The following PEG3 variants were observed in gnomAD, a reference collection of about 807,000 sequenced individuals.
The protein encoded by PEG3 is paternally-expressed gene 3 protein.
PEG3 carries 23 observed loss-of-function variants against 35.5 expected under a neutral mutation model. The observed-to-expected ratio is 0.65, with a 90% CI of 0.47 to 0.92. The LOEUF is 0.92. Among genes scored for constraint, PEG3 ranks in the 40% least tolerant of loss-of-function variants. PEG3 has a pLI of 0.00. For missense variants in PEG3, 1,960 were observed against 1,985.3 expected (o/e 0.99, Z 0.24); for synonymous variants, 707 against 697.0 (o/e 1.01, Z -0.23).
chr19:56,833,760 T>C, intron 2 of PEG3: 1 of 154,244 alleles, frequency 6.5e-6, no homozygotes. Flanking sequence ...TCTGGTCCAA[T>C]CACCTATGAA....
At chr19:56,836,882 A>G (rs1385969557) in intron 1 of PEG3, among the ~76,000 whole-genome samples, 2 of 149,820 alleles carry the variant, frequency 1.3e-5, no homozygotes. Flanking sequence ...GGGTGGGAGA[A>G]TCACTTGAAC....
In PEG3 at chr19:56,812,813, T is replaced by G. The variant is rs2059626611; in HGVS notation, c.*862A>C. The G allele has an allele frequency of 1.1e-6, 1 of 890,206 alleles. No homozygotes were observed. Among genetic ancestry groups the G allele is most frequent in the African/African-American group, 2.8e-5 (1 of 35,450 alleles). 55.1% of individuals were successfully genotyped at this position (890,206 alleles called of 1,614,324 possible). A position where few individuals can be genotyped will look rare whatever the true frequency, so the allele number is the denominator to read the frequency against. On this transcript the variant is annotated 3_prime_UTR_variant, in exon 10 of 10. Transcript: ENST00000326441. ...TCACTATCATCAAACACATATTGAG[T>G]TGGTTAAAAAAAAAAAAAACCCAGA...
chr19:56,818,831 G>T, intron 7 of PEG3, 129 bp from the exon 8 acceptor site: 2 of 1,058,832 alleles, frequency 1.9e-6, no homozygotes, highest in Non-Finnish European at 2.8e-6. Flanking sequence ...TTGGGGTTCT[G>T]AGTGATCCAA....
chr19:56,815,082 T>C lies in PEG3; in HGVS notation c.3360A>G (p.Thr1120=). ...GGACTTTCTGATGGTCTGTGAGGTC[T>C]GTGAGATCCACAAAGCCCAGGCCAC... ...EDCGLGFVDL[T]DLTDHQKVHS... is the part of the protein sequence containing the mutation. The change falls in exon 10 of 10, where the codon ACA becomes ACG. Residue 1120 remains threonine, a synonymous_variant. Transcript: ENST00000326441. 6.2e-7 allele frequency: 1 copy of C among 1,613,882 alleles called. No homozygotes were observed. Among genetic ancestry groups the C allele is most frequent in the Non-Finnish European group, 8.5e-7 (1 of 1,179,774 alleles).
rs572849601 is a variant in PEG3, at chr19:56,832,840, C to A, written c.-163+3178G>T. On this transcript the variant is annotated intron_variant, in intron 2 of 9. Coordinates refer to ENST00000326441, the MANE Select transcript of PEG3 (RefSeq NM_006210.3). The stretch of plus-strand genomic sequence containing the variant: ...TGTATACAGAACAAGCCTGGCGCTG[C>A]CTGCTGCATGACAGCATTGCCATTG... 2.3e-3 allele frequency among the ~76,000 whole-genome samples: 356 copies of A among 152,340 alleles called. 3 individuals are homozygous for A. The highest frequency in any genetic ancestry group is 7.6e-3 in the African/African-American group (314 of 41,568).
In PEG3 at chr19:56,817,259, G is replaced by C. The variant is rs754821615; in HGVS notation, c.1183C>G (p.His395Asp). Residue 395 changes from histidine to aspartate, a missense_variant, in exon 10 of 10, where the codon CAT becomes GAT. His to Asp is a moderately conservative substitution (Grantham distance 81, BLOSUM62 -1). Transcript: ENST00000326441. Reference protein sequence around the residue: ...KRVLERKRRYHFDTDGKGSIH... With the variant: ...KRVLERKRRYDFDTDGKGSIH... ...GAGCCCTTCCCATCTGTGTCAAAATGATAGCGCCTCTTTCTTTCAAGAACT... is the reference window on the plus strand; with the variant it reads ...GAGCCCTTCCCATCTGTGTCAAAATCATAGCGCCTCTTTCTTTCAAGAACT... 1.9e-6 allele frequency: 3 copies of C among 1,613,996 alleles called. No individual in the cohort carries two copies. The highest frequency in any genetic ancestry group is 2.5e-6 in the Non-Finnish European group (3 of 1,179,984).
At chr19:56,827,204 T>C (rs2061125169) in intron 2 of PEG3, among the ~76,000 whole-genome samples, 3 of 152,192 alleles carry the variant, frequency 2.0e-5, no homozygotes, top group African/African-American at 7.2e-5. Flanking sequence ...TTGTGACCAC[T>C]TGAATGCCCA....
In PEG3 at chr19:56,815,877, A is replaced by G. The variant is rs202029369; in HGVS notation, c.2565T>C (p.Ser855=). 30 of 1,613,572 alleles carry G rather than the reference A, an allele frequency of 1.9e-5. No individual in the cohort carries two copies. In the Middle Eastern group the frequency reaches 1.2e-3, roughly 62 times the overall value. Residue 855 remains serine (S), a synonymous_variant, in exon 10 of 10, where the codon TCT becomes TCC. Coordinates refer to ENST00000326441, the MANE Select transcript of PEG3 (RefSeq NM_006210.3). ...RSHNGNELVE[S]NEKGESSIYI... ...AAATGGAGGATTCTCCCTTCTCATT[A>G]GATTCCACCAATTCATTTCCATTGT...
At position 56,824,398 on chromosome 19, in the gene PEG3, G is replaced by A. The variant is rs1309775643; in HGVS notation, c.258C>T (p.Ile86=). Residue 86 remains isoleucine (I), a synonymous_variant, in exon 4 of 10, where the codon ATC becomes ATT. Coordinates refer to ENST00000326441, the MANE Select transcript of PEG3 (RefSeq NM_006210.3). The stretch of plus-strand genomic sequence containing the variant: ...GGTACTGCTCAAGGACCAAGAGCTC[G>A]ATGATCTCCTCCTTGGTGCGGGTCT... ...QPETRTKEEI[I]ELLVLEQYLT... 5 of 1,614,164 alleles carry A rather than the reference G, an allele frequency of 3.1e-6. No individual in the cohort carries two copies. The South Asian group carries it at 3.3e-5, about 11-fold the overall frequency.
At position 56,812,549 on chromosome 19, in the gene PEG3, C is replaced by A; in HGVS notation, c.*1126G>T. 1.0e-6 allele frequency: 1 copy of A among 985,684 alleles called. No homozygotes were observed. The highest frequency in any genetic ancestry group is 1.2e-6 in the Non-Finnish European group (1 of 829,896). 61.1% of individuals were successfully genotyped at this position (985,684 alleles called of 1,614,324 possible). A position where few individuals can be genotyped will look rare whatever the true frequency, so the allele number is the denominator to read the frequency against. ...ACCTAGGGTGCAAACTGACTTGTGG[C>A]AGCATAAGCTGATGCTGCACAGGGG... On this transcript the variant is annotated 3_prime_UTR_variant, in exon 10 of 10. Coordinates refer to ENST00000326441, the MANE Select transcript of PEG3 (RefSeq NM_006210.3).
In PEG3 at chr19:56,811,632, C is replaced by T. The variant is rs1207062016; in HGVS notation, c.*2043G>A. 1 of 984,312 alleles carries T rather than the reference C, an allele frequency of 1.0e-6. No individual in the cohort carries two copies. Among genetic ancestry groups the T allele is most frequent in the Non-Finnish European group, 1.2e-6 (1 of 829,602 alleles). The allele number at this position is 984,312 out of a possible 1,614,324, so 61.0% of individuals were successfully genotyped here. A position where few individuals can be genotyped will look rare whatever the true frequency, so the allele number is the denominator to read the frequency against. On this transcript the variant is annotated 3_prime_UTR_variant, in exon 10 of 10. Coordinates refer to ENST00000326441, the MANE Select transcript of PEG3 (RefSeq NM_006210.3). ...AACAATGTTAACACCAAGTAATGTA[C>T]CCACAAAGTTCACCCCGACATCAAC...
chr19:56,836,137 T>A (rs572405472), intron 1 of PEG3, 33 bp from the exon 2 acceptor site: 34 of 452,164 alleles, frequency 7.5e-5, no homozygotes, highest in South Asian at 5.1e-4. Flanking sequence ...AGACGCCAAG[T>A]TTATTTTGCA....
chr19:56,824,903 C>T (rs2060872107), intron 3 of PEG3, 162 bp from the exon 4 acceptor site: 2 of 470,662 alleles, frequency 4.2e-6, no homozygotes, highest in Admixed American at 3.4e-5. Context: ...CAGTTACAAG[C>T]ATGACCTCTG....
In PEG3 at chr19:56,814,496, T is replaced by C. The variant is rs1235653066; in HGVS notation, c.3946A>G (p.Thr1316Ala). 4 of 1,613,782 alleles carry C rather than the reference T, an allele frequency of 2.5e-6. No individual in the cohort carries two copies. The South Asian group carries it at 3.3e-5, about 13-fold the overall frequency. ...NEPYEYGSSY[T>A]HTSFLTEPLK... The stretch of plus-strand genomic sequence containing the variant: ...GGCTCAGTAAGAAATGAGGTGTGAG[T>C]ATAGGAGGACCCGTACTCATAGGGC... The change falls in exon 10 of 10, where the codon ACT becomes GCT. Residue 1316 changes from threonine (T) to alanine (A), a missense_variant. Thr to Ala is a moderately conservative substitution (Grantham distance 58). Around this residue, in one of 5 missense-constraint regions of PEG3, gnomAD observed 416 missense variants for 416.7 expected, o/e 1.00. Transcript: ENST00000326441. This position sits in a 1 kb window ranked among gnomAD's most constrained non-coding sequence, Gnocchi z 5.8.
chr19:56,819,243 C>T (rs540451281), intron 7 of PEG3, among the ~76,000 whole-genome samples: 12 of 152,288 alleles, frequency 7.9e-5, no homozygotes, highest in African/African-American at 2.6e-4. Flanking sequence ...TGACTTAAAC[C>T]TCCCTCCCGG....
At position 56,822,688 on chromosome 19, in the gene PEG3, C is replaced by T. The variant is rs1054747277; in HGVS notation, c.565+65G>A. On this transcript the variant is annotated intron_variant, in intron 6 of 9. Transcript: ENST00000326441. The stretch of plus-strand genomic sequence containing the variant: ...AAACTTCGAGGCCCTGGCACTTTCC[C>T]CTTGAACCTGTGCACAGCACATGCT... 2.5e-6 allele frequency: 4 copies of T among 1,589,220 alleles called. No homozygotes were observed. In the South Asian group the frequency reaches 3.4e-5, roughly 14 times the overall value.
At position 56,839,720 on chromosome 19, in the gene PEG3, C is replaced by T. The variant is rs142741106; in HGVS notation, c.-250+862G>A. ...AACAGACCATTACATCCAATGCAAC[C>T]CACAGTCATTCAGCTTTGCCTCGCC... On this transcript the variant is annotated intron_variant, in intron 1 of 9. Transcript: ENST00000326441. Among the ~76,000 whole-genome samples the T allele has an allele frequency of 3.9e-3, 590 of 152,312 alleles. 2 individuals carry two copies. The highest frequency in any genetic ancestry group is 7.2e-3 in the Non-Finnish European group (487 of 68,034).
At chr19:56,835,277 G>A (rs2146619919) in intron 2 of PEG3, among the ~76,000 whole-genome samples, 1 of 152,244 alleles carries the variant, frequency 6.6e-6, no homozygotes, top group Non-Finnish European at 1.5e-5. Flanking sequence ...TGCACTTAAG[G>A]TCAAGCCCAG....
intron 6 of PEG3, 165 bp downstream of exon 6, chr19:56,822,588 C>CGAGTGGAG: frequency 2.4e-6 from 2 of 832,718 alleles, no homozygotes; most frequent in Non-Finnish European, 3.7e-6. Context: ...CTGGTGGTAC[C>CGAGTGGAG]GAGTGGAACT....
Sources: gnomAD v4.1 joint callset for allele counts (sites outside exome capture counted in the v4.1 genomes callset) on GRCh38, gnomAD v4.1.1 for gene constraint, gnomAD v4.1.1 regional missense constraint, Gnocchi (gnomAD v3.1) non-coding constraint, MANE v1.5 for transcripts, NCBI Gene and HGNC (gene_info 2026-07-23, HGNC 2026-07-21) for gene names.